Variants in FAM171B observed in about 807,000 individuals in gnomAD.
FAM171B encodes the protein protein FAM171B.
In FAM171B, 19 loss-of-function variants were observed where a neutral mutation model predicts 75.6. The observed-to-expected ratio is 0.25, with a 90% confidence interval of 0.18 to 0.37. The LOEUF is 0.37. Among genes scored for constraint, FAM171B ranks in the 10% least tolerant of loss-of-function variants. FAM171B has a pLI of 1.00. For synonymous variants in FAM171B, 367 were observed against 361.7 expected, an observed-to-expected ratio of 1.01 and a Z score of -0.17; for missense variants, 848 against 982.4, an observed-to-expected ratio of 0.86 and a Z score of 1.83.
At chr2:186,703,434 C>A (rs1239490368) in intron 1 of FAM171B, among the ~76,000 whole-genome samples, 1 of 152,182 alleles carries the variant, frequency 6.6e-6, no homozygotes, top group East Asian at 1.9e-4. Flanking sequence ...GAGCTCCGAA[C>A]ACATTATAAA....
At chr2:186,736,645 CTTTTTTTTT>C (rs71396886) in intron 1 of FAM171B, among the ~76,000 whole-genome samples, 1 of 50,204 alleles carries the variant, frequency 2.0e-5, no homozygotes, top group Non-Finnish European at 3.4e-5. Context: ...GGGATCAGAG[CTTTTTTTTT>C]TTTTTTTTTT....
At chr2:186,724,356 G>A in intron 1 of FAM171B, among the ~76,000 whole-genome samples, 1 of 152,104 alleles carries the variant, frequency 6.6e-6, no homozygotes, top group South Asian at 2.1e-4. Flanking sequence ...TTGCTGCCCT[G>A]GCTAGTTATG....
intron 1 of FAM171B, among the ~76,000 whole-genome samples, chr2:186,722,011 G>A (rs1689961142): frequency 6.6e-6 from 1 of 152,046 alleles, no homozygotes; most frequent in African/African-American, 2.4e-5. Flanking sequence ...TTTTCATGAA[G>A]TATTTACTTT....
chr2:186,700,900 A>G (rs1286493074), intron 1 of FAM171B, among the ~76,000 whole-genome samples: 1 of 152,060 alleles, frequency 6.6e-6, no homozygotes, highest in Non-Finnish European at 1.5e-5. Flanking sequence ...ACTTTTTCTT[A>G]AAATAATTTA....
intron 4 of FAM171B, among the ~76,000 whole-genome samples, 165 bp from the exon 5 acceptor site, chr2:186,750,969 T>A (rs1690443630): frequency 6.6e-6 from 1 of 152,174 alleles, no homozygotes; most frequent in South Asian, 2.1e-4. Context: ...AGACAATATT[T>A]TAAAATTACA....
intron 1 of FAM171B, among the ~76,000 whole-genome samples, chr2:186,708,987 G>C (rs1689772044): frequency 6.6e-6 from 1 of 152,176 alleles, no homozygotes; most frequent in African/African-American, 2.4e-5. Context: ...TCTACAGGCT[G>C]TACAGGAAAT....
chr2:186,736,630 T>A (rs1260446403), intron 1 of FAM171B, among the ~76,000 whole-genome samples: 1 of 137,990 alleles, frequency 7.2e-6, no homozygotes, highest in Non-Finnish European at 1.6e-5. Flanking sequence ...TTTTAGACTC[T>A]GGAAGGGATC....
intron 1 of FAM171B, among the ~76,000 whole-genome samples, chr2:186,699,357 T>C (rs920402257): frequency 2.6e-5 from 4 of 152,188 alleles, no homozygotes; most frequent in Non-Finnish European, 5.9e-5. Flanking sequence ...TAGTTTTGAT[T>C]TGCATTTCTC....
intron 1 of FAM171B, among the ~76,000 whole-genome samples, chr2:186,698,729 C>A (rs36117902): frequency 6.6e-6 from 1 of 151,982 alleles, no homozygotes; most frequent in African/African-American, 2.4e-5. Context: ...AGATCTTATT[C>A]GTTCTACCTG....
At chr2:186,718,147 GT>G (rs1461358581) in intron 1 of FAM171B, among the ~76,000 whole-genome samples, 1 of 151,852 alleles carries the variant, frequency 6.6e-6, no homozygotes, top group Non-Finnish European at 1.5e-5. Flanking sequence ...TCTAATTTTG[GT>G]TTTCTTTTCT....
chr2:186,715,673 A>T (rs553923223), intron 1 of FAM171B, among the ~76,000 whole-genome samples: 9 of 152,348 alleles, frequency 5.9e-5, no homozygotes, highest in African/African-American at 2.2e-4. Flanking sequence ...ACAATTTACT[A>T]TGTAATTACC....
chr2:186,701,647 C>T (rs775682357), intron 1 of FAM171B, among the ~76,000 whole-genome samples: 3 of 152,106 alleles, frequency 2.0e-5, no homozygotes, highest in African/African-American at 7.2e-5. Context: ...GGCCATATTC[C>T]CAGATGGGGT....
chr2:186,743,403 TGC>T, intron 2 of FAM171B, 78 bp from the exon 3 acceptor site: 2 of 908,612 alleles, frequency 2.2e-6, no homozygotes, highest in Admixed American at 2.1e-5. Flanking sequence ...TTTTGAGACT[TGC>T]TGTTACAGAA....
intron 1 of FAM171B, among the ~76,000 whole-genome samples, chr2:186,739,608 T>C (rs1559089150): frequency 6.6e-6 from 1 of 152,192 alleles, no homozygotes; most frequent in East Asian, 1.9e-4. Context: ...CTTGTCCTAC[T>C]GGAAGGTCTT....
rs577558915 is a variant in FAM171B, at chr2:186,724,657, T to A, written c.239-15571T>A. On this transcript the variant is annotated intron_variant, in intron 1 of 7. Coordinates refer to ENST00000304698, the MANE Select transcript of FAM171B (RefSeq NM_177454.4). Reference sequence around the variant, plus strand: ...GGGAGGACAGGAGTCATGAGAAGTGTCATTTTGACAAAGACTTTTAGAAAG... The same window carrying A: ...GGGAGGACAGGAGTCATGAGAAGTGACATTTTGACAAAGACTTTTAGAAAG... Among the ~76,000 whole-genome samples the A allele has an allele frequency of 7.2e-5, 11 of 152,288 alleles. No homozygotes were observed. The South Asian group carries it at 2.1e-3, about 29-fold the overall frequency.
chr2:186,740,594 G>A (rs1690275432), intron 2 of FAM171B, 133 bp downstream of exon 2: 1 of 725,076 alleles, frequency 1.4e-6, no homozygotes, highest in South Asian at 2.0e-5. Context: ...GGTTACAAGG[G>A]AGTGCTACTT....
At chr2:186,728,810 T>A (rs1288521557) in intron 1 of FAM171B, among the ~76,000 whole-genome samples, 1 of 152,192 alleles carries the variant, frequency 6.6e-6, no homozygotes, top group African/African-American at 2.4e-5. Flanking sequence ...ATGTGTATAG[T>A]TGTAACCTAC....
intron 1 of FAM171B, among the ~76,000 whole-genome samples, chr2:186,703,430 C>T (rs904034697): frequency 3.3e-5 from 5 of 152,048 alleles, no homozygotes; most frequent in East Asian, 3.9e-4. Flanking sequence ...CCCTGAGCTC[C>T]GAACACATTA....
At chr2:186,751,068 C>A (rs569935992) in intron 4 of FAM171B, 66 bp from the exon 5 acceptor site, 2 of 1,237,632 alleles carry the variant, frequency 1.6e-6, no homozygotes, top group Non-Finnish European at 2.2e-6. Flanking sequence ...TATTTTAGAC[C>A]TATAATAATT....
Sources: gnomAD v4.1 joint callset for allele counts (sites outside exome capture counted in the v4.1 genomes callset) on GRCh38, gnomAD v4.1.1 for gene constraint, MANE v1.5 for transcripts, NCBI Gene and HGNC (gene_info 2026-07-23, HGNC 2026-07-21) for gene names.